The following CSNK1G3 variants were observed in gnomAD, a reference collection of about 807,000 sequenced individuals.
CSNK1G3 encodes casein kinase 1 gamma 3, also known as casein kinase I isoform gamma-3.
Under a neutral mutation model 64.3 loss-of-function variants are expected in CSNK1G3, and 23 were observed. The ratio of observed to expected loss-of-function variants is 0.36; its 90% CI spans 0.26 to 0.51. CSNK1G3 has a LOEUF of 0.51. CSNK1G3 is among the 20% of genes least tolerant of loss of function. The pLI, the probability that CSNK1G3 is intolerant of heterozygous loss-of-function variation, is 0.96. For missense variants in CSNK1G3, 357 were observed against 510.5 expected (o/e 0.70, Z 2.90); for synonymous variants, 158 against 162.2 (o/e 0.97, Z 0.20).
At chr5:123,536,876 C>G (rs1251763766) in intron 1 of CSNK1G3, among the ~76,000 whole-genome samples, 1 of 151,992 alleles carries the variant, frequency 6.6e-6, no homozygotes, top group African/African-American at 2.4e-5. Flanking sequence ...CAAATTAAAA[C>G]CACAATGAGA....
At chr5:123,583,605 C>T (rs1790767650) in intron 6 of CSNK1G3, among the ~76,000 whole-genome samples, 2 of 144,810 alleles carry the variant, frequency 1.4e-5, no homozygotes, top group African/African-American at 5.1e-5. Flanking sequence ...CTCAGGTGAT[C>T]AGCCCGCCTC....
intron 4 of CSNK1G3, among the ~76,000 whole-genome samples, chr5:123,564,931 G>A (rs561979395): frequency 1.3e-5 from 2 of 152,090 alleles, no homozygotes; most frequent in South Asian, 4.1e-4. Flanking sequence ...ATTCTTTTAT[G>A]CTCTTACCCT....
chr5:123,514,446 C>G (rs1163116203), intron 1 of CSNK1G3, among the ~76,000 whole-genome samples: 1 of 152,142 alleles, frequency 6.6e-6, no homozygotes, highest in Non-Finnish European at 1.5e-5. Context: ...TTTAATTCAA[C>G]CAGGACCACC....
intron 1 of CSNK1G3, among the ~76,000 whole-genome samples, chr5:123,535,023 G>C (rs1325092965): frequency 6.6e-6 from 1 of 152,052 alleles, no homozygotes; most frequent in Non-Finnish European, 1.5e-5. Flanking sequence ...TTTCTCTATT[G>C]GTTTTGACAT....
At chr5:123,594,972 G>A (rs1793147580) in intron 10 of CSNK1G3, 67 bp from the exon 11 acceptor site, 1 of 1,338,900 alleles carries the variant, frequency 7.5e-7, no homozygotes, top group Non-Finnish European at 1.1e-6. Context: ...ATATTATGAG[G>A]ATAAAATGTT....
rs572421806 is a variant in CSNK1G3, at chr5:123,548,183, G to T, written c.178+2342G>T. Among the ~76,000 whole-genome samples the T allele has an allele frequency of 2.6e-5, 4 of 152,210 alleles. No individual in the cohort carries two copies. In the South Asian group the frequency reaches 6.2e-4, roughly 24 times the overall value. ...TAAAACTTGAGACTTGTGGTGCTTGGCATGGTGGCTCACATCTATCATCTC... is the reference window on the plus strand; with the variant it reads ...TAAAACTTGAGACTTGTGGTGCTTGTCATGGTGGCTCACATCTATCATCTC... On this transcript the variant is annotated intron_variant, in intron 2 of 12. Transcript: ENST00000345990.
chr5:123,563,054 TAGG>T lies in CSNK1G3; in HGVS notation c.289+5493_289+5495del, dbSNP rs910109346. 1.8e-4 allele frequency among the ~76,000 whole-genome samples: 27 copies of T among 152,050 alleles called. 1 individual carries two copies. Among genetic ancestry groups the T allele is most frequent in the African/African-American group, 6.3e-4 (26 of 41,452 alleles). On this transcript the variant is annotated intron_variant, in intron 4 of 12. Transcript: ENST00000345990. ...TGACATGAGTTTAAATAGGCTACAT[TAGG>T]AGAAACTGCAATTAATGCATTCCTT...
chr5:123,611,307 G>A (rs1796293687), intron 12 of CSNK1G3, among the ~76,000 whole-genome samples: 1 of 152,204 alleles, frequency 6.6e-6, no homozygotes, highest in African/African-American at 2.4e-5. Context: ...TCTGGTGGTA[G>A]TAACTTTAAT....
intron 1 of CSNK1G3, among the ~76,000 whole-genome samples, chr5:123,518,699 A>G (rs1006285440): frequency 6.6e-6 from 1 of 152,206 alleles, no homozygotes; most frequent in Non-Finnish European, 1.5e-5. Context: ...GTTGGTTTCT[A>G]CTAATCAGGA....
At chr5:123,524,902 C>T (rs1269307887) in intron 1 of CSNK1G3, among the ~76,000 whole-genome samples, 1 of 152,098 alleles carries the variant, frequency 6.6e-6, no homozygotes, top group African/African-American at 2.4e-5. Flanking sequence ...GTGTTATATG[C>T]TTTTTAAGCT....
At chr5:123,614,234 C>T in intron 12 of CSNK1G3, 108 bp from the exon 14 acceptor site, 2 of 971,974 alleles carry the variant, frequency 2.1e-6, no homozygotes, top group Non-Finnish European at 3.1e-6. Context: ...CACTGTTTAT[C>T]TTGCACTAGC....
exon 13 of CSNK1G3, chr5:123,614,554 CTTTT>C: frequency 2.0e-6 from 1 of 511,486 alleles, no homozygotes; most frequent in South Asian, 4.3e-5. Flanking sequence ...GTCTTACATT[CTTTT>C]TCTTTTTTTT....
At chr5:123,550,729 T>G (rs1447461834) in intron 2 of CSNK1G3, among the ~76,000 whole-genome samples, 1 of 152,224 alleles carries the variant, frequency 6.6e-6, no homozygotes, top group Non-Finnish European at 1.5e-5. Context: ...CTTGGATTTT[T>G]CTTTTAATGG....
At chr5:123,593,769 A>C (rs986140418) in intron 10 of CSNK1G3, among the ~76,000 whole-genome samples, 12 of 152,032 alleles carry the variant, frequency 7.9e-5, no homozygotes, top group Admixed American at 5.9e-4. Flanking sequence ...AGAGTATGTA[A>C]TTTTGCATTG....
exon 13 of CSNK1G3, chr5:123,614,783 GC>G: frequency 6.3e-6 from 1 of 158,288 alleles, no homozygotes; most frequent in East Asian, 1.8e-4. Flanking sequence ...TTCTGTAAGA[GC>G]ATAATCAAAC....
chr5:123,612,564 G>A (rs1344046746), intron 12 of CSNK1G3, among the ~76,000 whole-genome samples: 4 of 150,182 alleles, frequency 2.7e-5, no homozygotes, highest in Non-Finnish European at 4.4e-5. Flanking sequence ...TGCAACCTCC[G>A]CCTCCTGGGT....
chr5:123,528,927 A>G (rs1470974189), intron 1 of CSNK1G3, among the ~76,000 whole-genome samples: 2 of 152,328 alleles, frequency 1.3e-5, no homozygotes, highest in East Asian at 1.9e-4. Flanking sequence ...GAGTCACCCA[A>G]TGTGCGTGTT....
intron 1 of CSNK1G3, among the ~76,000 whole-genome samples, chr5:123,513,060 A>T (rs1776525020): frequency 6.6e-6 from 1 of 152,120 alleles, no homozygotes; most frequent in African/African-American, 2.4e-5. Context: ...GCCAGCGTTC[A>T]GCTCAGGGAT....
At chr5:123,588,986 T>C (rs544651802) in intron 8 of CSNK1G3, among the ~76,000 whole-genome samples, 162 of 152,270 alleles carry the variant, frequency 1.1e-3, no homozygotes, top group African/African-American at 3.6e-3. Flanking sequence ...TGTATGCATT[T>C]ATGAAAATAA....
Sources: gnomAD v4.1 joint callset for allele counts (sites outside exome capture counted in the v4.1 genomes callset) on GRCh38, gnomAD v4.1.1 for gene constraint, MANE v1.5 for transcripts, NCBI Gene and HGNC (gene_info 2026-07-23, HGNC 2026-07-21) for gene names.